CNGB3: variants seen among roughly 807,000 people sequenced by gnomAD.
CNGB3 encodes the protein cyclic nucleotide gated channel subunit beta 3, also known as cyclic nucleotide-gated channel beta-3.
CNGB3 carries 86 observed loss-of-function variants against 92.8 expected under a neutral mutation model. The ratio of observed to expected loss-of-function variants is 0.93; its 90% CI spans 0.78 to 1.11. The LOEUF (loss-of-function observed/expected upper bound fraction) is 1.11, where lower values mean the gene tolerates loss of function less well. Ranked by LOEUF, CNGB3 falls within the 50% of genes least tolerant of loss-of-function variation. The pLI is 0.00. For missense variants in CNGB3, 1,026 were observed against 956.8 expected, an observed-to-expected ratio of 1.07 and a Z score of -0.95; for synonymous variants, 333 against 332.7, an observed-to-expected ratio of 1.00 and a Z score of -0.01.
At chr8:86,656,741 G>A (rs1823514820) in intron 6 of CNGB3, among the ~76,000 whole-genome samples, 1 of 151,820 alleles carries the variant, frequency 6.6e-6, no homozygotes, top group Non-Finnish European at 1.5e-5. Flanking sequence ...AACCAAAATG[G>A]CTAAATCCAT....
At chr8:86,607,504 A>G (rs1425714194) in intron 14 of CNGB3, among the ~76,000 whole-genome samples, 1 of 152,188 alleles carries the variant, frequency 6.6e-6, no homozygotes, top group Non-Finnish European at 1.5e-5. Flanking sequence ...GGGCACCCCA[A>G]CAGAAAAGAG....
At chr8:86,726,923 G>A (rs964642336) in intron 2 of CNGB3, among the ~76,000 whole-genome samples, 6 of 152,116 alleles carry the variant, frequency 3.9e-5, no homozygotes, top group Non-Finnish European at 5.9e-5. Context: ...TGACTTAGTC[G>A]TTGTGCAAAC....
chr8:86,623,251 A>G (rs1033919794), intron 13 of CNGB3, among the ~76,000 whole-genome samples: 2 of 152,198 alleles, frequency 1.3e-5, no homozygotes, highest in African/African-American at 4.8e-5. Context: ...CAAACTGCCT[A>G]CATGAAATTT....
intron 13 of CNGB3, among the ~76,000 whole-genome samples, chr8:86,615,283 G>C (rs1370297299): frequency 6.6e-6 from 1 of 152,142 alleles, no homozygotes; most frequent in African/African-American, 2.4e-5. Flanking sequence ...AATATTTGTA[G>C]ATTGGAATAT....
chr8:86,660,579 T>C (rs1319032926), intron 6 of CNGB3: 1 of 534,246 alleles, frequency 1.9e-6, no homozygotes, highest in African/African-American at 1.9e-5. Context: ...CTTGCTAGAT[T>C]ATATTGATTC....
At chr8:86,690,351 A>G (rs1824287091) in intron 3 of CNGB3, among the ~76,000 whole-genome samples, 1 of 152,168 alleles carries the variant, frequency 6.6e-6, no homozygotes, top group Admixed American at 6.5e-5. Context: ...TTGGCTGCAT[A>G]AATGTCTTCT....
intron 3 of CNGB3, among the ~76,000 whole-genome samples, chr8:86,687,864 G>A (rs1054623065): frequency 1.3e-5 from 2 of 152,000 alleles, no homozygotes; most frequent in African/African-American, 4.8e-5. Flanking sequence ...CAAATCAAGT[G>A]TTTATAGAGT....
intron 9 of CNGB3, among the ~76,000 whole-genome samples, 190 bp downstream of exon 9, chr8:86,644,432 T>G (rs543406994): frequency 1.3e-5 from 2 of 151,464 alleles, no homozygotes; most frequent in South Asian, 4.1e-4. Context: ...AAATCTGATA[T>G]GATTTTCATA....
intron 3 of CNGB3, among the ~76,000 whole-genome samples, chr8:86,713,443 A>T (rs1169506548): frequency 6.6e-6 from 1 of 152,188 alleles, no homozygotes; most frequent in African/African-American, 2.4e-5. Flanking sequence ...TGGGCATAGT[A>T]TATAGTCAAC....
intron 3 of CNGB3, among the ~76,000 whole-genome samples, chr8:86,689,754 T>C (rs888629711): frequency 6.6e-6 from 1 of 151,720 alleles, no homozygotes. Context: ...ATGTTCCCCT[T>C]CCTGTGTCCA....
intron 13 of CNGB3, among the ~76,000 whole-genome samples, chr8:86,616,385 G>A (rs1822623596): frequency 6.6e-6 from 1 of 152,000 alleles, no homozygotes; most frequent in Non-Finnish European, 1.5e-5. Context: ...TTGGATTTAG[G>A]CCTAGTGAAA....
chr8:86,686,473 G>A (rs1824189714), intron 3 of CNGB3, among the ~76,000 whole-genome samples: 1 of 152,058 alleles, frequency 6.6e-6, no homozygotes, highest in South Asian at 2.1e-4. Context: ...CAAGCAAACT[G>A]CAAAAGCAGT....
intron 3 of CNGB3, among the ~76,000 whole-genome samples, chr8:86,678,550 AATG>A (rs1438226731): frequency 6.6e-6 from 1 of 152,138 alleles, no homozygotes; most frequent in Non-Finnish European, 1.5e-5. Flanking sequence ...AATATGCTGC[AATG>A]CATGTATGGT....
chr8:86,632,625 A>C, intron 11 of CNGB3, 127 bp downstream of exon 11: 1 of 961,528 alleles, frequency 1.0e-6, no homozygotes, highest in South Asian at 1.5e-5. Context: ...TCATTAAAAT[A>C]GAAGAAAGTT....
intron 2 of CNGB3, among the ~76,000 whole-genome samples, chr8:86,732,630 T>C (rs1825176240): frequency 6.6e-6 from 1 of 152,226 alleles, no homozygotes; most frequent in South Asian, 2.1e-4. Context: ...CCACTGAAGG[T>C]GTCCTGATTA....
chr8:86,593,943 T>A (rs554061059), intron 15 of CNGB3: 1 of 538,618 alleles, frequency 1.9e-6, no homozygotes, highest in African/African-American at 1.9e-5. Flanking sequence ...TGGAATCGGA[T>A]CCTGTAGGAA....
rs1554618958 is a variant in CNGB3, at chr8:86,735,042, G to GGTTTTTTTTTTTTT, written c.211+4612_211+4613insAAAAAAAAAAAAAC. The stretch of plus-strand genomic sequence containing the variant: ...CATGTCAAATTCTCAAATGCCGGTG[G>GGTTTTTTTTTTTTT]TTTTTTTTTTTTTTTTTTTTTTTTT... On this transcript the variant is annotated intron_variant, in intron 2 of 17. Transcript: ENST00000320005. Among the ~76,000 whole-genome samples, 20 of 85,890 alleles carry GGTTTTTTTTTTTTT rather than the reference G, an allele frequency of 2.3e-4. 4 individuals carry two copies. The highest frequency in any genetic ancestry group is 3.1e-4 in the Non-Finnish European group (15 of 47,922). 56.3% of individuals were successfully genotyped at this position (85,890 alleles called of 152,430 possible). A position where few individuals can be genotyped will look rare whatever the true frequency, so the allele number is the denominator to read the frequency against.
At chr8:86,708,946 G>A (rs746626439) in intron 3 of CNGB3, among the ~76,000 whole-genome samples, 4 of 152,136 alleles carry the variant, frequency 2.6e-5, no homozygotes, top group African/African-American at 4.8e-5. Flanking sequence ...TAACTGTTTC[G>A]AATAAATTTG....
At chr8:86,696,041 G>A (rs1162802991) in intron 3 of CNGB3, among the ~76,000 whole-genome samples, 1 of 152,178 alleles carries the variant, frequency 6.6e-6, no homozygotes, top group African/African-American at 2.4e-5. Flanking sequence ...ACCTGCTCTG[G>A]TGGAGGTGGC....
Sources: allele counts gnomAD v4.1 joint callset (sites outside exome capture counted in the v4.1 genomes callset), GRCh38; gene constraint gnomAD v4.1.1; transcripts MANE v1.5; gene names NCBI Gene and HGNC (gene_info 2026-07-23, HGNC 2026-07-21).